The following SIK3 variants were observed in gnomAD, a reference collection of about 807,000 sequenced individuals.
SIK3 encodes SIK family kinase 3.
Under a neutral mutation model 144.2 loss-of-function variants are expected in SIK3, and 28 were observed. The ratio of observed to expected loss-of-function variants is 0.19; its 90% CI spans 0.14 to 0.27. The LOEUF is 0.27. SIK3 is among the 10% of genes least tolerant of loss of function. The pLI, the probability that SIK3 is intolerant of heterozygous loss-of-function variation, is 1.00. For missense variants in SIK3, 1,319 were observed against 1,776.0 expected (o/e 0.74, Z 4.62); for synonymous variants, 686 against 676.3 (o/e 1.01, Z -0.22).
chr11:117,058,794 A>G (rs190176495), intron 1 of SIK3, among the ~76,000 whole-genome samples: 1 of 152,356 alleles, frequency 6.6e-6, no homozygotes, highest in East Asian at 1.9e-4. Flanking sequence ...CCCATGGATT[A>G]GCAAAAGAAC....
At position 116,857,962 on chromosome 11, in the gene SIK3, C is replaced by A; in HGVS notation, c.3503G>T (p.Gly1168Val). ...CAAGAGCAGAGGGCTGTCATGGCAA[C>A]CTTTGGTCAATGTACTTGAACTCTT... is the stretch of plus-strand genomic sequence containing the variant. ...DSKSSSTLTK[G>V]CHDSPLLLST... The change falls in exon 21 of 25, where the codon GGT becomes GTT. Residue 1168 changes from glycine to valine, a missense_variant. Coordinates refer to ENST00000445177, the MANE Select transcript of SIK3 (RefSeq NM_001366686.3). 1 of 1,614,230 alleles carries A rather than the reference C, an allele frequency of 6.2e-7. No individual in the cohort carries two copies. The highest frequency in any genetic ancestry group is 1.1e-5 in the South Asian group (1 of 91,084).
chr11:117,029,690 A>T (rs1952172751), intron 1 of SIK3, among the ~76,000 whole-genome samples: 1 of 152,076 alleles, frequency 6.6e-6, no homozygotes, highest in South Asian at 2.1e-4. Flanking sequence ...TTCAAGGAGA[A>T]ATCTAGGCTA....
chr11:116,922,915 T>C (rs779504525), intron 4 of SIK3, among the ~76,000 whole-genome samples: 9,115 of 94,208 alleles, frequency 0.097, 606 homozygotes, highest in African/African-American at 0.25. Context: ...CTCTTTTTTT[T>C]TTTTTTTTTT....
At chr11:117,020,516 TCATA>T (rs1012791333) in intron 1 of SIK3, among the ~76,000 whole-genome samples, 29 of 152,254 alleles carry the variant, frequency 1.9e-4, no homozygotes, top group African/African-American at 5.3e-4. Context: ...AACCCTGTGC[TCATA>T]CAGTTAGAAC....
intron 1 of SIK3, among the ~76,000 whole-genome samples, chr11:117,074,980 C>A: frequency 6.6e-6 from 1 of 150,934 alleles, no homozygotes; most frequent in African/African-American, 2.4e-5. Flanking sequence ...ATATATAATA[C>A]ATCCTTTCAT....
intron 1 of SIK3, among the ~76,000 whole-genome samples, chr11:116,962,070 G>C (rs538411093): frequency 6.6e-6 from 1 of 152,242 alleles, no homozygotes; most frequent in South Asian, 2.1e-4. Context: ...AAAAATAGTG[G>C]TTTCTTCACA....
intron 3 of SIK3, among the ~76,000 whole-genome samples, chr11:116,946,371 G>A (rs1948589254): frequency 6.6e-6 from 1 of 151,698 alleles, no homozygotes; most frequent in South Asian, 2.1e-4. Flanking sequence ...TGTCACTTAC[G>A]GCACAGCAAG....
At chr11:117,068,708 T>C (rs1320169811) in intron 1 of SIK3, among the ~76,000 whole-genome samples, 2 of 152,198 alleles carry the variant, frequency 1.3e-5, no homozygotes, top group Admixed American at 6.5e-5. Context: ...GAGCCATAAA[T>C]GCACCACTGC....
chr11:116,943,637 C>G (rs994405087), intron 3 of SIK3, among the ~76,000 whole-genome samples: 1 of 152,114 alleles, frequency 6.6e-6, no homozygotes, highest in African/African-American at 2.4e-5. Flanking sequence ...CTGCCATCAC[C>G]TAGGGAATGT....
chr11:116,922,905 C>CTTTTTTTTTTTTTTTTTTTTTTT (rs1565455993), intron 4 of SIK3, among the ~76,000 whole-genome samples: 1 of 118,692 alleles, frequency 8.4e-6, no homozygotes. Context: ...CTTTTCTTTT[C>CTTTTTTTTTTTTTTTTTTTTTTT]TCTTTTTTTT....
intron 4 of SIK3, among the ~76,000 whole-genome samples, chr11:116,899,227 G>T (rs998460833): frequency 6.6e-6 from 1 of 151,800 alleles, no homozygotes. Context: ...ATTAAATAGG[G>T]AATCCTTTCC....
intron 1 of SIK3, among the ~76,000 whole-genome samples, chr11:117,016,177 T>C (rs931275478): frequency 2.1e-4 from 32 of 151,542 alleles, no homozygotes; most frequent in African/African-American, 7.8e-4. Flanking sequence ...AATACAAAAA[T>C]TAGCCTAGTG....
At chr11:116,966,494 G>A (rs2135443834) in intron 1 of SIK3, among the ~76,000 whole-genome samples, 1 of 152,226 alleles carries the variant, frequency 6.6e-6, no homozygotes, top group South Asian at 2.1e-4. Context: ...TAGCTTGAAG[G>A]TAATTTTACA....
At chr11:116,915,974 T>C (rs1946614907) in intron 4 of SIK3, among the ~76,000 whole-genome samples, 1 of 152,236 alleles carries the variant, frequency 6.6e-6, no homozygotes, top group Non-Finnish European at 1.5e-5. Context: ...TGCCAGCAGG[T>C]AGACTCGATT....
intron 1 of SIK3, among the ~76,000 whole-genome samples, chr11:116,996,231 C>A (rs564680276): frequency 1.3e-5 from 2 of 151,968 alleles, no homozygotes; most frequent in Admixed American, 1.3e-4. Flanking sequence ...TCGCTTGAAC[C>A]TGGGAGACAA....
At chr11:116,938,032 C>T (rs1948012004) in intron 3 of SIK3, among the ~76,000 whole-genome samples, 1 of 151,962 alleles carries the variant, frequency 6.6e-6, no homozygotes, top group Middle Eastern at 3.4e-3. Context: ...TGGTGAAACC[C>T]CGTCTCAACT....
chr11:116,911,961 A>C (rs1191351970), intron 4 of SIK3, among the ~76,000 whole-genome samples: 1 of 152,242 alleles, frequency 6.6e-6, no homozygotes, highest in Non-Finnish European at 1.5e-5. Context: ...AAGCTGGTTA[A>C]GATGGATACG....
intron 21 of SIK3, among the ~76,000 whole-genome samples, chr11:116,856,021 C>A (rs1942884281): frequency 6.6e-6 from 1 of 152,016 alleles, no homozygotes; most frequent in Non-Finnish European, 1.5e-5. Context: ...CACGGTGAAA[C>A]CCTGTCTCTA....
intron 4 of SIK3, among the ~76,000 whole-genome samples, chr11:116,911,296 TCAGGAGTTCGAGAC>T (rs529315603): frequency 1.2e-3 from 190 of 152,122 alleles, no homozygotes; most frequent in African/African-American, 4.4e-3. Flanking sequence ...TCACCTGAGG[TCAGGAGTTCGAGAC>T]CAGCCTGGTC....
Sources: allele counts gnomAD v4.1 joint callset (sites outside exome capture counted in the v4.1 genomes callset), GRCh38; gene constraint gnomAD v4.1.1; transcripts MANE v1.5; gene names NCBI Gene and HGNC (gene_info 2026-07-23, HGNC 2026-07-21).